ELMO1: variants seen among roughly 807,000 people sequenced by gnomAD.
The protein encoded by ELMO1 is engulfment and cell motility protein 1.
Under a neutral mutation model 98.9 loss-of-function variants are expected in ELMO1, and 26 were observed. The observed-to-expected ratio is 0.26, with a 90% CI of 0.19 to 0.36. The LOEUF (loss-of-function observed/expected upper bound fraction) is 0.36. Ranked by LOEUF, ELMO1 falls within the 10% of genes least tolerant of loss-of-function variation. ELMO1 has a pLI of 1.00. For synonymous variants in ELMO1, 346 were observed against 346.0 expected (o/e 1.00, Z 0.00); for missense variants, 627 against 935.2 (o/e 0.67, Z 4.30).
intron 1 of ELMO1, among the ~76,000 whole-genome samples, chr7:37,384,076 G>C (rs562424671): frequency 6.6e-6 from 1 of 152,098 alleles, no homozygotes; most frequent in Non-Finnish European, 1.5e-5. Flanking sequence ...CGGCCTCCCA[G>C]AATGCTGGGA....
chr7:37,009,602 T>C (rs1242717232), intron 16 of ELMO1, among the ~76,000 whole-genome samples: 4 of 151,978 alleles, frequency 2.6e-5, no homozygotes, highest in Non-Finnish European at 5.9e-5. Context: ...GTTGGGCAAA[T>C]CAAAATTTTA....
intron 14 of ELMO1, among the ~76,000 whole-genome samples, chr7:37,115,403 C>G (rs1050717123): frequency 6.6e-6 from 1 of 152,016 alleles, no homozygotes; most frequent in African/African-American, 2.4e-5. Flanking sequence ...GCACCACAAC[C>G]GAGTAGGATT....
intron 1 of ELMO1, among the ~76,000 whole-genome samples, chr7:37,417,604 C>T (rs916063837): frequency 6.6e-6 from 1 of 151,808 alleles, no homozygotes; most frequent in African/African-American, 2.4e-5. Context: ...GCGGAGCTTG[C>T]AATGAGCCAA....
At chr7:37,247,906 T>TGC (rs1249226009) in intron 6 of ELMO1, among the ~76,000 whole-genome samples, 1 of 151,336 alleles carries the variant, frequency 6.6e-6, no homozygotes. Flanking sequence ...TGTGTGTGTG[T>TGC]GTGTGTGTGT....
chr7:37,120,394 A>G (rs1181353736), intron 14 of ELMO1, among the ~76,000 whole-genome samples: 1 of 152,178 alleles, frequency 6.6e-6, no homozygotes, highest in African/African-American at 2.4e-5. Flanking sequence ...AGGGGTAACA[A>G]ACAGCACCTG....
At chr7:37,422,639 C>G (rs897780799) in intron 1 of ELMO1, among the ~76,000 whole-genome samples, 2 of 152,202 alleles carry the variant, frequency 1.3e-5, no homozygotes, top group African/African-American at 2.4e-5. Flanking sequence ...ATAGATGAAG[C>G]AGGCAACACT....
intron 15 of ELMO1, among the ~76,000 whole-genome samples, chr7:37,053,378 C>T (rs1034841907): frequency 2.0e-5 from 3 of 150,988 alleles, no homozygotes; most frequent in African/African-American, 4.9e-5. Flanking sequence ...CCTAACAATT[C>T]CAAACATTGG....
chr7:36,974,721 G>C (rs899810542), intron 16 of ELMO1, among the ~76,000 whole-genome samples: 13 of 152,144 alleles, frequency 8.5e-5, no homozygotes, highest in Non-Finnish European at 1.8e-4. Flanking sequence ...TCCACACTGG[G>C]GAAGCTTTGT....
At chr7:37,121,004 C>G (rs1785990634) in intron 14 of ELMO1, among the ~76,000 whole-genome samples, 1 of 152,224 alleles carries the variant, frequency 6.6e-6, no homozygotes, top group Non-Finnish European at 1.5e-5. Flanking sequence ...TGCTGATACC[C>G]AGGCAAACAG....
At chr7:37,078,171 C>G (rs1797683912) in intron 15 of ELMO1, among the ~76,000 whole-genome samples, 1 of 151,990 alleles carries the variant, frequency 6.6e-6, no homozygotes, top group Admixed American at 6.6e-5. Flanking sequence ...AATAATGAAT[C>G]CGGGCACGAT....
At chr7:36,897,071 T>C (rs1806067170) in intron 16 of ELMO1, among the ~76,000 whole-genome samples, 1 of 152,240 alleles carries the variant, frequency 6.6e-6, no homozygotes, top group Admixed American at 6.5e-5. Flanking sequence ...TCATGTCATG[T>C]GTTTCTTAAG....
intron 4 of ELMO1, among the ~76,000 whole-genome samples, chr7:37,278,112 C>CGTTTT (rs1192086043): frequency 7.7e-5 from 7 of 90,424 alleles, no homozygotes; most frequent in African/African-American, 2.6e-4. Context: ...GATAGCTTTT[C>CGTTTT]CTTTTTTTTT....
chr7:37,111,864 GTCT>G (rs1785269653), intron 14 of ELMO1, among the ~76,000 whole-genome samples: 2 of 152,168 alleles, frequency 1.3e-5, no homozygotes, highest in Non-Finnish European at 2.9e-5. Flanking sequence ...CTAAATGTTG[GTCT>G]TCTTCATCAT....
At chr7:36,907,250 T>C (rs1784030630) in intron 16 of ELMO1, among the ~76,000 whole-genome samples, 1 of 152,168 alleles carries the variant, frequency 6.6e-6, no homozygotes, top group Admixed American at 6.5e-5. Context: ...GGAGCAGTGA[T>C]AGATTAACTC....
At chr7:37,208,492 T>C (rs921464840) in intron 13 of ELMO1, among the ~76,000 whole-genome samples, 26 of 152,296 alleles carry the variant, frequency 1.7e-4, no homozygotes, top group African/African-American at 6.3e-4. Context: ...GATCCAAACC[T>C]CAAATTAATC....
At chr7:37,103,062 C>T (rs1784724946) in intron 14 of ELMO1, among the ~76,000 whole-genome samples, 1 of 152,116 alleles carries the variant, frequency 6.6e-6, no homozygotes, top group Non-Finnish European at 1.5e-5. Flanking sequence ...CATAAAGGGT[C>T]GTAAAGATTA....
At chr7:37,417,802 A>G (rs1444384577) in intron 1 of ELMO1, among the ~76,000 whole-genome samples, 1 of 152,206 alleles carries the variant, frequency 6.6e-6, no homozygotes, top group Admixed American at 6.5e-5. Flanking sequence ...AGACGGCACC[A>G]TTGCACTCCA....
At chr7:37,316,090 A>G (rs1340052930) in intron 2 of ELMO1, 130 bp from the exon 3 acceptor site, 2 of 728,968 alleles carry the variant, frequency 2.7e-6, no homozygotes, top group East Asian at 5.2e-5. Context: ...AGTTGTTGTC[A>G]ATGAGTCTCT....
chr7:37,018,773 A>T (rs1460727133), intron 15 of ELMO1, among the ~76,000 whole-genome samples: 1 of 152,188 alleles, frequency 6.6e-6, no homozygotes, highest in East Asian at 1.9e-4. Flanking sequence ...CATCAGGCAC[A>T]GCTAGTTACT....
Sources: gnomAD v4.1 joint callset for allele counts (sites outside exome capture counted in the v4.1 genomes callset) on GRCh38, gnomAD v4.1.1 for gene constraint, MANE v1.5 for transcripts, NCBI Gene and HGNC (gene_info 2026-07-23, HGNC 2026-07-21) for gene names.